EYS: variants seen among roughly 807,000 people sequenced by gnomAD.
EYS encodes the protein protein eyes shut homolog.
EYS carries 250 observed loss-of-function variants against 282.1 expected under a neutral mutation model. The observed-to-expected ratio is 0.89, with a 90% CI of 0.80 to 0.98. The LOEUF (loss-of-function observed/expected upper bound fraction) is 0.98. Among genes scored for constraint, EYS ranks in the 50% least tolerant of loss-of-function variants. EYS has a pLI of 0.00. For synonymous variants in EYS, 1,355 were observed against 1,282.9 expected, an observed-to-expected ratio of 1.06 and a Z score of -1.20; for missense variants, 4,016 against 3,709.0, an observed-to-expected ratio of 1.08 and a Z score of -2.15.
At chr6:64,099,088 C>T (rs987968621) in intron 31 of EYS, among the ~76,000 whole-genome samples, 1 of 152,198 alleles carries the variant, frequency 6.6e-6, no homozygotes, top group Admixed American at 6.5e-5. Flanking sequence ...AATTTATCTT[C>T]TGTCCTCATC....
intron 36 of EYS, among the ~76,000 whole-genome samples, chr6:63,838,719 A>G (rs1771872913): frequency 6.6e-6 from 1 of 152,144 alleles, no homozygotes; most frequent in African/African-American, 2.4e-5. Context: ...TTTCTCCTAA[A>G]GAGTAGGCCT....
At chr6:64,319,549 A>AT (rs1334294973) in intron 29 of EYS, among the ~76,000 whole-genome samples, 1 of 151,936 alleles carries the variant, frequency 6.6e-6, no homozygotes, top group South Asian at 2.1e-4. Flanking sequence ...TCTGCATCAG[A>AT]TTTTTTTAAA....
At chr6:64,605,213 AC>A (rs1251297099) in intron 24 of EYS, among the ~76,000 whole-genome samples, 1 of 151,930 alleles carries the variant, frequency 6.6e-6, no homozygotes, top group Non-Finnish European at 1.5e-5. Flanking sequence ...AAGTTTAATT[AC>A]ATGTCAATTA....
chr6:64,832,456 C>T (rs1003115802), intron 19 of EYS, among the ~76,000 whole-genome samples: 3 of 151,558 alleles, frequency 2.0e-5, no homozygotes, highest in Non-Finnish European at 2.9e-5. Flanking sequence ...GGAGAAAATG[C>T]GTAGTTGTTC....
At position 64,001,245 on chromosome 6, in the gene EYS, A is replaced by G. The variant is rs199867629; in HGVS notation, c.6726-2062T>C. Among the ~76,000 whole-genome samples the G allele has an allele frequency of 1.2e-4, 19 of 152,364 alleles. No individual in the cohort carries two copies. The East Asian group carries it at 3.7e-3, about 29-fold the overall frequency. On this transcript the variant is annotated intron_variant, in intron 33 of 42. Coordinates refer to ENST00000503581, the MANE Select transcript of EYS (RefSeq NM_001142800.2). ...GTGAGAATCACATTATTTAATGTAC[A>G]TAAATCATTCAGTGCTAATATTAAA... is the stretch of plus-strand genomic sequence containing the variant.
intron 41 of EYS, among the ~76,000 whole-genome samples, chr6:63,731,311 C>T (rs903077369): frequency 6.6e-6 from 1 of 152,052 alleles, no homozygotes; most frequent in East Asian, 1.9e-4. Context: ...TTGAGTTTCT[C>T]GTGTGAATAT....
At chr6:65,310,467 C>T (rs1316519797) in intron 11 of EYS, among the ~76,000 whole-genome samples, 3 of 151,994 alleles carry the variant, frequency 2.0e-5, no homozygotes, top group Non-Finnish European at 4.4e-5. Context: ...GTGAAGTTCC[C>T]TCCCTCACAC....
intron 12 of EYS, among the ~76,000 whole-genome samples, chr6:65,166,110 T>C (rs1159217040): frequency 6.6e-6 from 1 of 151,238 alleles, no homozygotes; most frequent in African/African-American, 2.4e-5. Flanking sequence ...AATGGAATGA[T>C]GTCCCGTGTT....
intron 13 of EYS, among the ~76,000 whole-genome samples, chr6:65,022,268 T>G (rs1421924558): frequency 6.6e-6 from 1 of 152,218 alleles, no homozygotes; most frequent in Non-Finnish European, 1.5e-5. Flanking sequence ...GGTGACTAGA[T>G]GCTTCCTCCA....
At chr6:65,395,528 A>T (rs954432595) in intron 7 of EYS, among the ~76,000 whole-genome samples, 3 of 152,192 alleles carry the variant, frequency 2.0e-5, no homozygotes, top group African/African-American at 7.2e-5. Flanking sequence ...TCATTTGTAT[A>T]TGTGGGGGAT....
chr6:65,454,888 T>C (rs1764543569), intron 5 of EYS, among the ~76,000 whole-genome samples: 2 of 152,166 alleles, frequency 1.3e-5, no homozygotes, highest in Non-Finnish European at 2.9e-5. Flanking sequence ...GCCAGTACCA[T>C]GCTCTTTTGG....
intron 2 of EYS, among the ~76,000 whole-genome samples, chr6:65,535,745 A>G (rs993800478): frequency 2.6e-5 from 4 of 152,290 alleles, no homozygotes; most frequent in Non-Finnish European, 5.9e-5. Context: ...TCAACTGATT[A>G]AATGATGCCC....
At chr6:64,083,315 T>C (rs540739976) in intron 31 of EYS, among the ~76,000 whole-genome samples, 36 of 152,318 alleles carry the variant, frequency 2.4e-4, no homozygotes, top group South Asian at 2.3e-3. Context: ...ATACAGTGAG[T>C]GAGAAACTAA....
At chr6:64,315,916 T>C (rs9451297) in intron 29 of EYS, among the ~76,000 whole-genome samples, 108,986 of 152,036 alleles carry the variant, frequency 0.72, 39,259 homozygotes, top group African/African-American at 0.79. Context: ...GTTCAACATA[T>C]GCAAATCAAT....
chr6:63,789,351 A>C, intron 37 of EYS, 127 bp from the exon 38 acceptor site: 1 of 914,482 alleles, frequency 1.1e-6, no homozygotes, highest in Non-Finnish European at 1.6e-6. Context: ...TTTAGTCTCT[A>C]GTCAGCATTT....
At chr6:64,260,293 A>G (rs1767546176) in intron 30 of EYS, among the ~76,000 whole-genome samples, 1 of 151,960 alleles carries the variant, frequency 6.6e-6, no homozygotes, top group Non-Finnish European at 1.5e-5. Context: ...ACTAGTCAGG[A>G]CTGCTTATAT....
At chr6:65,158,307 G>A (rs989058350) in intron 12 of EYS, among the ~76,000 whole-genome samples, 8 of 150,788 alleles carry the variant, frequency 5.3e-5, no homozygotes, top group African/African-American at 7.3e-5. Flanking sequence ...GCTATTGCCT[G>A]AACTACACCT....
chr6:63,780,765 T>G (rs1338365589), intron 39 of EYS, among the ~76,000 whole-genome samples: 1 of 152,244 alleles, frequency 6.6e-6, no homozygotes, highest in Non-Finnish European at 1.5e-5. Flanking sequence ...AGATCCCATT[T>G]GTCAATTTTG....
At chr6:65,176,296 G>T (rs992706003) in intron 12 of EYS, among the ~76,000 whole-genome samples, 1 of 151,484 alleles carries the variant, frequency 6.6e-6, no homozygotes, top group South Asian at 2.1e-4. Context: ...AGTTGTCCTT[G>T]TTATGCATAG....
Sources: allele counts gnomAD v4.1 joint callset (sites outside exome capture counted in the v4.1 genomes callset), GRCh38; gene constraint gnomAD v4.1.1; transcripts MANE v1.5; gene names NCBI Gene and HGNC (gene_info 2026-07-23, HGNC 2026-07-21).